The following TJP3 variants were observed in gnomAD, a reference collection of about 807,000 sequenced individuals.
TJP3 encodes the protein tight junction protein ZO-3.
In TJP3, 85 loss-of-function variants were observed where a neutral mutation model predicts 104.2. The observed-to-expected ratio is 0.82, with a 90% confidence interval of 0.68 to 0.98. TJP3 has a LOEUF of 0.98. Ranked by LOEUF, TJP3 falls within the 50% of genes least tolerant of loss-of-function variation. TJP3 has a pLI of 0.00. For missense variants in TJP3, 1,367 were observed against 1,322.8 expected, an observed-to-expected ratio of 1.03 and a Z score of -0.52; for synonymous variants, 550 against 550.6, an observed-to-expected ratio of 1.00 and a Z score of 0.02.
rs535580383 is a variant in TJP3 at position 3,716,315 on chromosome 19, C to T, written c.-10+7754C>T. On this transcript the variant is annotated intron_variant, in intron 1 of 20. Transcript: ENST00000541714. ...CTCGAACTATTGACCTCAAGTGATC[C>T]GCCCATCTCAGCCTCTCAAAGTGCT... Among the ~76,000 whole-genome samples, 22 of 148,646 alleles carry T rather than the reference C, an allele frequency of 1.5e-4. 2 individuals carry two copies. Among genetic ancestry groups the T allele is most frequent in the African/African-American group, 4.6e-4 (19 of 41,392 alleles).
intron 1 of TJP3, among the ~76,000 whole-genome samples, chr19:3,723,395 A>G (rs1356745948): frequency 6.6e-6 from 1 of 152,210 alleles, no homozygotes; most frequent in Admixed American, 6.5e-5. Context: ...AAGTAGCCAG[A>G]GAGACAGACA....
intron 14 of TJP3, among the ~76,000 whole-genome samples, chr19:3,742,787 G>A (rs1233764244): frequency 6.7e-6 from 1 of 149,350 alleles, no homozygotes; most frequent in African/African-American, 2.5e-5. Flanking sequence ...CCAACGTGGT[G>A]AAACCCCGTC....
intron 10 of TJP3, 58 bp from the exon 11 acceptor site, chr19:3,736,107 T>C: frequency 1.3e-6 from 2 of 1,564,728 alleles, no homozygotes; most frequent in Non-Finnish European, 1.7e-6. Context: ...AGGACAATGC[T>C]GAGCCCTCCC....
At chr19:3,715,199 C>T (rs1192298184) in intron 1 of TJP3, among the ~76,000 whole-genome samples, 8 of 151,774 alleles carry the variant, frequency 5.3e-5, no homozygotes, top group African/African-American at 1.9e-4. Flanking sequence ...ACGCCATTCT[C>T]CTGCCTCAGC....
rs555738121 is a variant in TJP3, at chr19:3,747,905, G to A, written c.2434G>A (p.Glu812Lys). Residue 812 changes from glutamate (E) to lysine (K), a missense_variant, in exon 19 of 21, where the codon GAG becomes AAG. Glu to Lys is a moderately conservative substitution (Grantham distance 56). Coordinates refer to ENST00000541714, the MANE Select transcript of TJP3 (RefSeq NM_001267560.2). Reference protein sequence around the residue: ...RVNSDYETDGEGGAYTDGEGY... With the variant: ...RVNSDYETDGKGGAYTDGEGY... ...TAACAGCGACTACGAGACGGACGGCGAGGGCGGCGCGTACACGGATGGCGA... is the reference window on the plus strand; with the variant it reads ...TAACAGCGACTACGAGACGGACGGCAAGGGCGGCGCGTACACGGATGGCGA... The A allele has an allele frequency of 5.6e-6, 9 of 1,613,134 alleles. No homozygotes were observed. Among genetic ancestry groups the A allele is most frequent in the African/African-American group, 1.3e-5 (1 of 74,910 alleles).
chr19:3,717,642 C>T (rs117096512), intron 1 of TJP3, among the ~76,000 whole-genome samples: 1,622 of 151,932 alleles, frequency 0.011, 14 homozygotes, highest in Middle Eastern at 0.017. Flanking sequence ...GCCCTGTGGG[C>T]CAGGCTGGCC....
At position 3,745,089 on chromosome 19, in the gene TJP3, G is replaced by A. The variant is rs1010910228; in HGVS notation, c.1940-922G>A. Among the ~76,000 whole-genome samples, 472 of 120,456 alleles carry A rather than the reference G, an allele frequency of 3.9e-3. 2 individuals are homozygous for A. Among genetic ancestry groups the A allele is most frequent in the African/African-American group, 0.014 (448 of 31,344 alleles). 79.0% of individuals were successfully genotyped at this position (120,456 alleles called of 152,430 possible). On this transcript the variant is annotated intron_variant, in intron 15 of 20. Coordinates refer to ENST00000541714, the MANE Select transcript of TJP3 (RefSeq NM_001267560.2). ...ACAGCAAAATCACGTTTCTATAAAA[G>A]AAAAAAGAATTTTTTTAATTAAAAA...
intron 13 of TJP3, among the ~76,000 whole-genome samples, chr19:3,739,347 G>C (rs1433385309): frequency 6.6e-6 from 1 of 152,166 alleles, no homozygotes; most frequent in Admixed American, 6.6e-5. Context: ...AAAATTAGCT[G>C]GGCGTGGTGG....
chr19:3,724,141 T>A (rs2145674934), intron 1 of TJP3, among the ~76,000 whole-genome samples: 1 of 151,778 alleles, frequency 6.6e-6, no homozygotes, highest in East Asian at 1.9e-4. Context: ...CTGGACCACC[T>A]GGACTCCCTC....
intron 1 of TJP3, among the ~76,000 whole-genome samples, chr19:3,723,804 A>AT (rs1555737862): frequency 2.2e-5 from 2 of 91,276 alleles, no homozygotes; most frequent in African/African-American, 6.8e-5. Context: ...AAAGAAAAAA[A>AT]AAAAATATAT....
chr19:3,732,089 G>A lies in TJP3; in HGVS notation c.717+51G>A, dbSNP rs772678593. On this transcript the variant is annotated intron_variant, in intron 6 of 20. Coordinates refer to ENST00000541714, the MANE Select transcript of TJP3 (RefSeq NM_001267560.2). ...AGCAGGGAGACAAGGCAGGGTTGGG[G>A]CGGGCAGTCCCACGGAGTCATACAG... 2.2e-5 allele frequency: 34 copies of A among 1,522,214 alleles called. No homozygotes were observed. In the African/African-American group the frequency reaches 4.1e-4, roughly 18 times the overall value. 94.3% of individuals were successfully genotyped at this position (1,522,214 alleles called of 1,614,324 possible).
chr19:3,722,797 ATCGGTGT>A (rs2036554161), intron 1 of TJP3, among the ~76,000 whole-genome samples: 1 of 132,156 alleles, frequency 7.6e-6, no homozygotes, highest in Non-Finnish European at 1.5e-5. Flanking sequence ...CCCCTCCCCA[ATCGGTGT>A]ATTTGTTCGC....
At chr19:3,718,362 C>T (rs11882338) in intron 1 of TJP3, among the ~76,000 whole-genome samples, 1,841 of 150,174 alleles carry the variant, frequency 0.012, 16 homozygotes, top group Non-Finnish European at 0.021. Context: ...GGACTACAAG[C>T]GTGAGCCACT....
chr19:3,727,864 C>T (rs1174345578), intron 1 of TJP3, among the ~76,000 whole-genome samples: 5 of 151,996 alleles, frequency 3.3e-5, no homozygotes, highest in Non-Finnish European at 7.4e-5. Context: ...ATCACTTGAA[C>T]TTGGGAGGCA....
intron 1 of TJP3, among the ~76,000 whole-genome samples, chr19:3,726,319 C>T (rs764047744): frequency 1.3e-5 from 2 of 152,226 alleles, no homozygotes; most frequent in Non-Finnish European, 2.9e-5. Flanking sequence ...CAGAATCTGC[C>T]TGGTGTGGAG....
At chr19:3,712,808 G>A (rs2036445055) in intron 1 of TJP3, among the ~76,000 whole-genome samples, 1 of 151,974 alleles carries the variant, frequency 6.6e-6, no homozygotes, top group Admixed American at 6.6e-5. Context: ...AATCTGCTGG[G>A]CAGGGTGGCG....
rs552238427 is a variant in TJP3, at chr19:3,713,999, A to T, written c.-10+5438A>T. ...CTCGGCCTCCCAAAGTGCTGGGATT[A>T]CAGGGGTGAACCACCACGCCCGGCC... On this transcript the variant is annotated intron_variant, in intron 1 of 20. Coordinates refer to ENST00000541714, the MANE Select transcript of TJP3 (RefSeq NM_001267560.2). 2.0e-5 allele frequency among the ~76,000 whole-genome samples: 3 copies of T among 150,892 alleles called. No homozygotes were observed. In the East Asian group the frequency reaches 5.9e-4, roughly 30 times the overall value.
chr19:3,734,677 A>G (rs7246217), intron 8 of TJP3, among the ~76,000 whole-genome samples: 57,509 of 152,076 alleles, frequency 0.38, 11,348 homozygotes, highest in Admixed American at 0.55. Context: ...GCCTTAGGCC[A>G]GGTGCGGTGG....
intron 1 of TJP3, among the ~76,000 whole-genome samples, chr19:3,726,285 T>C (rs1419564394): frequency 6.6e-6 from 1 of 152,228 alleles, no homozygotes; most frequent in Non-Finnish European, 1.5e-5. Context: ...GGTGTTCTCA[T>C]TCATGCCATG....
Sources: gnomAD v4.1 joint callset for allele counts (sites outside exome capture counted in the v4.1 genomes callset) on GRCh38, gnomAD v4.1.1 for gene constraint, MANE v1.5 for transcripts, NCBI Gene and HGNC (gene_info 2026-07-23, HGNC 2026-07-21) for gene names.